CLEC20A: variants seen among roughly 807,000 people sequenced by gnomAD.
CLEC20A encodes putative C-type lectin domain family 20 member A.
intron 4 of CLEC20A, among the ~76,000 whole-genome samples, chr1:178,488,927 C>T (rs1256541656): frequency 2.0e-5 from 3 of 151,104 alleles, no homozygotes; most frequent in African/African-American, 7.3e-5. Context: ...GCCGGTGGGG[C>T]GGAGAGGGAG....
intron 1 of CLEC20A, chr1:178,496,317 GC>G (rs1190084923): frequency 6.6e-6 from 1 of 152,240 alleles, no homozygotes; most frequent in Admixed American, 6.6e-5. Flanking sequence ...GTCCCCACAC[GC>G]CCCGACTCTG....
At chr1:178,479,920 A>G (rs866112711) in intron 7 of CLEC20A, 50 of 188,052 alleles carry the variant, frequency 2.7e-4, no homozygotes, top group South Asian at 1.6e-3. Flanking sequence ...AAAAAAAAAG[A>G]AAAAAAACAG....
At chr1:178,479,182 A>G (rs1250996468), downstream of CLEC20A, 1 of 162,924 alleles carries the variant, frequency 6.1e-6, no homozygotes, top group Non-Finnish European at 1.3e-5. Context: ...TTAGCTTCCT[A>G]GACCACTACC....
Position 178,487,762 on chromosome 1 carries a change from T to C in CLEC20A, c.928+739A>G, listed in dbSNP as rs552789568. 3.9e-5 allele frequency among the ~76,000 whole-genome samples: 6 copies of C among 152,252 alleles called. No homozygotes were observed. The East Asian group carries it at 1.2e-3, about 29-fold the overall frequency. ...GACTCCATCCACACTTTCTAATGAG[T>C]GAATGAACGAGGCTCTGCTCGACCT... On this transcript the variant is annotated intron_variant, in intron 5 of 7. Coordinates refer to ENST00000623247, the Ensembl canonical transcript of CLEC20A.
At chr1:178,479,035 T>C (rs1648867269), downstream of CLEC20A, 1 of 152,232 alleles carries the variant, frequency 6.6e-6, no homozygotes, top group Non-Finnish European at 1.5e-5. Context: ...AAGATTTCAA[T>C]TTAGGAAAAA....
intron 5 of CLEC20A, chr1:178,484,451 G>A (rs1394585310): frequency 6.6e-6 from 1 of 152,078 alleles, no homozygotes; most frequent in African/African-American, 2.4e-5. Flanking sequence ...CACTGGGAGG[G>A]TGAGGCAGGA....
At chr1:178,493,145 G>C (rs1649304788) in intron 2 of CLEC20A, among the ~76,000 whole-genome samples, 1 of 152,216 alleles carries the variant, frequency 6.6e-6, no homozygotes, top group South Asian at 2.1e-4. Context: ...CAGAGCTGGA[G>C]AGAGGTCAGG....
intron 1 of CLEC20A, 161 bp downstream of exon 1, chr1:178,496,739 T>A (rs571768937): frequency 2.5e-6 from 1 of 397,742 alleles, no homozygotes; most frequent in African/African-American, 2.1e-5. Context: ...CGAAGCTCCC[T>A]TCCCAACCCT....
At chr1:178,482,668 C>G (rs1304686094) in intron 6 of CLEC20A, 1 of 295,008 alleles carries the variant, frequency 3.4e-6, no homozygotes, top group Non-Finnish European at 6.2e-6. Context: ...TTTGTTTCTT[C>G]TGTATTTTTC....
chr1:178,483,988 G>A (rs906359566), intron 5 of CLEC20A: 16 of 152,174 alleles, frequency 1.1e-4, no homozygotes, highest in African/African-American at 3.4e-4. Flanking sequence ...TCACACTCTC[G>A]AATTTGTTAA....
chr1:178,489,527 G>T lies in CLEC20A; in HGVS notation c.829+545C>A, dbSNP rs573259171. Among the ~76,000 whole-genome samples the T allele has an allele frequency of 1.1e-4, 16 of 152,226 alleles. 1 individual carries two copies. Among genetic ancestry groups the T allele is most frequent in the Admixed American group, 1.0e-3 (16 of 15,288 alleles). ...AGGACGCCCATCACACAGGATGTGG[G>T]CACCAGGCAGGTTTGGGATCCCATG... On this transcript the variant is annotated intron_variant, in intron 4 of 7. Coordinates refer to ENST00000623247, the Ensembl canonical transcript of CLEC20A.
At chr1:178,492,184 C>T (rs569722861) in intron 3 of CLEC20A, among the ~76,000 whole-genome samples, 2 of 152,192 alleles carry the variant, frequency 1.3e-5, no homozygotes, top group South Asian at 4.2e-4. Flanking sequence ...ACTCAGGAGG[C>T]TGAGGCAGGA....
chr1:178,488,472 A>G (rs896629999), intron 5 of CLEC20A, 29 bp downstream of exon 5: 23 of 398,660 alleles, frequency 5.8e-5, no homozygotes, highest in Non-Finnish European at 1.0e-4. Flanking sequence ...CTGAAGACCC[A>G]GATCCAGCCA....
At chr1:178,485,919 G>A (rs1649130466) in intron 5 of CLEC20A, among the ~76,000 whole-genome samples, 1 of 152,158 alleles carries the variant, frequency 6.6e-6, no homozygotes, top group Non-Finnish European at 1.5e-5. Flanking sequence ...GTGGGAGAAG[G>A]AGTGAGTCAC....
intron 2 of CLEC20A, among the ~76,000 whole-genome samples, chr1:178,494,207 C>A (rs867462002): frequency 6.6e-6 from 1 of 152,252 alleles, no homozygotes; most frequent in Non-Finnish European, 1.5e-5. Flanking sequence ...CCAGCCTGGG[C>A]AACATAGCGA....
chr1:178,484,263 C>T (rs1355527393), intron 5 of CLEC20A: 1 of 152,218 alleles, frequency 6.6e-6, no homozygotes, highest in African/African-American at 2.4e-5. Flanking sequence ...AAAACTGACA[C>T]AAATTCTGAT....
chr1:178,480,686 G>T (rs1348761008), intron 7 of CLEC20A: 1 of 152,276 alleles, frequency 6.6e-6, no homozygotes. Flanking sequence ...GGAGGCTGAG[G>T]CAGGAGCATG....
intron 2 of CLEC20A, among the ~76,000 whole-genome samples, chr1:178,493,942 A>AT (rs1340159047): frequency 1.3e-5 from 2 of 152,110 alleles, no homozygotes. Context: ...ACTTACACCC[A>AT]TTTTTTCTAT....
At chr1:178,484,534 T>G (rs569261437) in intron 5 of CLEC20A, 2 of 151,206 alleles carry the variant, frequency 1.3e-5, no homozygotes, top group South Asian at 2.1e-4. Context: ...AAAAAAAAAT[T>G]AGCCAGGCGT....
Sources: gnomAD v4.1 joint callset for allele counts (sites outside exome capture counted in the v4.1 genomes callset) on GRCh38, gnomAD v4.1.1 for gene constraint, MANE v1.5 for transcripts, NCBI Gene and HGNC (gene_info 2026-07-23, HGNC 2026-07-21) for gene names.